DGKB: variants seen among roughly 807,000 people sequenced by gnomAD.
The protein encoded by DGKB is diacylglycerol kinase beta.
In DGKB, 67 loss-of-function variants were observed where a neutral mutation model predicts 114.3. The observed-to-expected ratio is 0.59, with a 90% CI of 0.48 to 0.72. The LOEUF (loss-of-function observed/expected upper bound fraction) is 0.72, where lower values mean the gene tolerates loss of function less well. DGKB is among the 30% of genes least tolerant of loss of function. The probability of loss-of-function intolerance (pLI) is 0.00; values close to 1 mark genes in which losing one functional copy is unlikely to be tolerated. For missense variants in DGKB, 907 were observed against 975.2 expected, an observed-to-expected ratio of 0.93 and a Z score of 0.93; for synonymous variants, 398 against 323.1, an observed-to-expected ratio of 1.23 and a Z score of -2.49.
chr7:14,300,006 C>A (rs1803242698), intron 23 of DGKB, among the ~76,000 whole-genome samples: 2 of 151,906 alleles, frequency 1.3e-5, no homozygotes, highest in Non-Finnish European at 2.9e-5. Flanking sequence ...GATAGATGGC[C>A]ACTATATTTG....
intron 23 of DGKB, among the ~76,000 whole-genome samples, chr7:14,179,864 C>T (rs1290148413): frequency 6.6e-6 from 1 of 152,190 alleles, no homozygotes; most frequent in Non-Finnish European, 1.5e-5. Flanking sequence ...TTCCACCTTG[C>T]TGTTCTAAAC....
At chr7:14,281,493 G>C (rs1799947867) in intron 23 of DGKB, among the ~76,000 whole-genome samples, 2 of 146,726 alleles carry the variant, frequency 1.4e-5, no homozygotes, top group Non-Finnish European at 3.0e-5. Context: ...ATTGAACTCA[G>C]CTCTGCACCA....
At chr7:14,351,236 A>C in intron 21 of DGKB, among the ~76,000 whole-genome samples, 1 of 152,226 alleles carries the variant, frequency 6.6e-6, no homozygotes, top group East Asian at 1.9e-4. Context: ...TTATAGGGTT[A>C]CTCATTTATT....
chr7:14,413,279 C>A (rs1269591707), intron 21 of DGKB, among the ~76,000 whole-genome samples: 1 of 152,044 alleles, frequency 6.6e-6, no homozygotes, highest in Non-Finnish European at 1.5e-5. Flanking sequence ...TGAGAAGCAG[C>A]TGATGAAGAT....
chr7:14,168,303 C>G (rs918316026), intron 25 of DGKB, among the ~76,000 whole-genome samples: 7 of 152,086 alleles, frequency 4.6e-5, no homozygotes, highest in Non-Finnish European at 8.8e-5. Context: ...TGAACAGACT[C>G]AAAGATCTAT....
At chr7:14,331,044 A>C (rs868207267) in intron 23 of DGKB, among the ~76,000 whole-genome samples, 14 of 152,020 alleles carry the variant, frequency 9.2e-5, no homozygotes, top group African/African-American at 3.4e-4. Flanking sequence ...ATATGATGTA[A>C]TCTTAAATTT....
intron 5 of DGKB, among the ~76,000 whole-genome samples, chr7:14,730,953 C>T (rs912814270): frequency 3.3e-5 from 5 of 152,078 alleles, no homozygotes; most frequent in Admixed American, 6.6e-5. Context: ...TTTGAAAGAA[C>T]GTTTTGGAGA....
At chr7:14,958,426 A>AACACACACACAC (rs754087921) in intron 1 of DGKB, among the ~76,000 whole-genome samples, 3,443 of 122,730 alleles carry the variant, frequency 0.028, 69 homozygotes, top group Admixed American at 0.051. Context: ...TACCTCTCCC[A>AACACACACACAC]ACACACACAC....
intron 21 of DGKB, among the ~76,000 whole-genome samples, chr7:14,360,677 G>T (rs1815554595): frequency 6.6e-6 from 1 of 151,992 alleles, no homozygotes; most frequent in Non-Finnish European, 1.5e-5. Context: ...AGTGGACTCA[G>T]ATTATTAAAC....
At chr7:14,915,135 G>A (rs1467103929) in intron 1 of DGKB, among the ~76,000 whole-genome samples, 2 of 152,172 alleles carry the variant, frequency 1.3e-5, no homozygotes, top group African/African-American at 4.8e-5. Context: ...GGGAGGCTAT[G>A]TTGAGAGAAT....
At chr7:14,705,543 A>C (rs1826050273) in intron 6 of DGKB, among the ~76,000 whole-genome samples, 1 of 151,068 alleles carries the variant, frequency 6.6e-6, no homozygotes, top group Non-Finnish European at 1.5e-5. Context: ...ATGAAGGAAA[A>C]AATGTTAAGG....
At chr7:14,927,605 T>A (rs1356395357) in intron 1 of DGKB, among the ~76,000 whole-genome samples, 4 of 147,922 alleles carry the variant, frequency 2.7e-5, no homozygotes, top group Admixed American at 1.4e-4. Flanking sequence ...AAAATAAAGG[T>A]TGAATTATAT....
At chr7:14,358,314 A>T (rs1172202691) in intron 21 of DGKB, among the ~76,000 whole-genome samples, 7 of 151,746 alleles carry the variant, frequency 4.6e-5, no homozygotes, top group Admixed American at 3.3e-4. Flanking sequence ...TTTTGTCTAA[A>T]CTTCCTGCTT....
At chr7:14,843,602 G>C (rs1430575604) in intron 1 of DGKB, among the ~76,000 whole-genome samples, 2 of 152,100 alleles carry the variant, frequency 1.3e-5, no homozygotes, top group South Asian at 4.1e-4. Flanking sequence ...CCAAAGTGCT[G>C]GGATTACAGG....
intron 3 of DGKB, among the ~76,000 whole-genome samples, chr7:14,756,436 C>T (rs1834878625): frequency 6.6e-6 from 1 of 151,376 alleles, no homozygotes; most frequent in South Asian, 2.1e-4. Flanking sequence ...TTTTCTAATA[C>T]AGAAAAAGGG....
chr7:14,873,242 C>T (rs1852753903), intron 1 of DGKB, among the ~76,000 whole-genome samples: 1 of 152,058 alleles, frequency 6.6e-6, no homozygotes, highest in Admixed American at 6.6e-5. Context: ...GCTAGCATCC[C>T]TTTCTATTAC....
intron 19 of DGKB, among the ~76,000 whole-genome samples, chr7:14,574,985 T>G (rs1286606304): frequency 1.3e-5 from 2 of 152,154 alleles, no homozygotes; most frequent in African/African-American, 2.4e-5. Flanking sequence ...TACTTCCCAG[T>G]GCTGCTGCTT....
chr7:14,313,625 G>T (rs7787494), intron 23 of DGKB, among the ~76,000 whole-genome samples: 3,647 of 152,212 alleles, frequency 0.024, 127 homozygotes, highest in African/African-American at 0.083. Context: ...TGGCTCGGAG[G>T]GTCCTACGCC....
intron 23 of DGKB, among the ~76,000 whole-genome samples, chr7:14,323,926 G>A (rs904630835): frequency 1.3e-5 from 2 of 151,972 alleles, no homozygotes; most frequent in African/African-American, 2.4e-5. Flanking sequence ...TTAATACCAG[G>A]GTAATCACTT....
Sources: allele counts gnomAD v4.1 joint callset (sites outside exome capture counted in the v4.1 genomes callset), GRCh38; gene constraint gnomAD v4.1.1; transcripts MANE v1.5; gene names NCBI Gene and HGNC (gene_info 2026-07-23, HGNC 2026-07-21).